Variants in RBM33 observed in about 807,000 individuals in gnomAD.
RBM33 encodes the protein RNA binding motif protein 33.
A neutral mutation model predicts 132.6 loss-of-function variants in RBM33; 28 were observed. The ratio of observed to expected loss-of-function variants is 0.21; its 90% CI spans 0.16 to 0.29. The LOEUF (loss-of-function observed/expected upper bound fraction) is 0.29, where lower values mean the gene tolerates loss of function less well. Ranked by LOEUF, RBM33 falls within the 10% of genes least tolerant of loss-of-function variation. The pLI is 1.00. For synonymous variants in RBM33, 634 were observed against 593.0 expected (o/e 1.07, Z -1.01); for missense variants, 1,291 against 1,518.5 (o/e 0.85, Z 2.49).
chr7:155,658,017 T>C (rs1428369507), intron 1 of RBM33, among the ~76,000 whole-genome samples: 2 of 152,230 alleles, frequency 1.3e-5, no homozygotes, highest in South Asian at 2.1e-4. Flanking sequence ...TATATCCTTA[T>C]TAATCTTTTA....
intron 5 of RBM33, among the ~76,000 whole-genome samples, chr7:155,687,124 C>T (rs1209814280): frequency 2.0e-5 from 3 of 152,228 alleles, no homozygotes; most frequent in African/African-American, 7.2e-5. Context: ...TATTTGTCCA[C>T]ATCCTCTCCA....
intron 3 of RBM33, among the ~76,000 whole-genome samples, chr7:155,673,637 C>T (rs1359726232): frequency 3.0e-5 from 1 of 33,886 alleles, no homozygotes; most frequent in Non-Finnish European, 7.9e-5. Flanking sequence ...CACACATATA[C>T]ATACACACGT....
intron 5 of RBM33, among the ~76,000 whole-genome samples, chr7:155,688,761 A>G (rs1355219992): frequency 6.6e-6 from 1 of 152,132 alleles, no homozygotes; most frequent in Non-Finnish European, 1.5e-5. Flanking sequence ...GGTTCTGTTT[A>G]TATGCTGGAT....
intron 5 of RBM33, among the ~76,000 whole-genome samples, chr7:155,682,750 C>T (rs998892457): frequency 1.3e-5 from 2 of 152,144 alleles, no homozygotes; most frequent in East Asian, 1.9e-4. Flanking sequence ...CACAGCCACA[C>T]GGGAGGTCTC....
In RBM33 at chr7:155,644,702, C is replaced by A. The variant is rs191395944; in HGVS notation, c.-175C>A. 2.8e-3 allele frequency: 1,329 copies of A among 482,020 alleles called. 20 individuals carry two copies. The highest frequency in any genetic ancestry group is 0.024 in the African/African-American group (1,162 of 49,234). The allele number at this position is 482,020 out of a possible 1,614,324, so 29.9% of individuals were successfully genotyped here. A position where few individuals can be genotyped will look rare whatever the true frequency, so the allele number is the denominator to read the frequency against. On this transcript the variant is annotated 5_prime_UTR_variant, in exon 1 of 18. Transcript: ENST00000401878. The stretch of plus-strand genomic sequence containing the variant: ...CCATGTTGCGGTAGTTTGTTGTTTT[C>A]TTCCTGCGGAGGCGAAGGGCCAGCT...
rs565494986 is a variant in RBM33 at position 155,740,164 on chromosome 7, A to C, written c.2049+138A>C. 5 of 1,166,678 alleles carry C rather than the reference A, an allele frequency of 4.3e-6. No individual in the cohort carries two copies. The African/African-American group carries it at 6.3e-5, about 15-fold the overall frequency. 72.3% of individuals were successfully genotyped at this position (1,166,678 alleles called of 1,614,324 possible). On this transcript the variant is annotated intron_variant, in intron 12 of 17. Transcript: ENST00000401878. ...TAAAATGTGTAGTACATAGTTCTGA[A>C]GTGAATCCATGTTTTAAAAAACACT...
At position 155,697,067 on chromosome 7, in the gene RBM33, A is replaced by G. The variant is rs540572486; in HGVS notation, c.568-3706A>G. ...CAAGCAGTGTCTGCCAGTTTTCTTCATTGTAATGTTGCTTTCTCTTTCCTT... is the reference window on the plus strand; with the variant it reads ...CAAGCAGTGTCTGCCAGTTTTCTTCGTTGTAATGTTGCTTTCTCTTTCCTT... On this transcript the variant is annotated intron_variant, in intron 5 of 17. Transcript: ENST00000401878. 7.9e-5 allele frequency among the ~76,000 whole-genome samples: 12 copies of G among 152,258 alleles called. No individual in the cohort carries two copies. The South Asian group carries it at 2.5e-3, about 32-fold the overall frequency.
chr7:155,730,593 G>A (rs1800927919), intron 9 of RBM33, among the ~76,000 whole-genome samples: 1 of 152,234 alleles, frequency 6.6e-6, no homozygotes, highest in African/African-American at 2.4e-5. Context: ...AAGTGGCTGG[G>A]ATGGAGACAG....
intron 16 of RBM33, among the ~76,000 whole-genome samples, chr7:155,767,234 G>A (rs753692577): frequency 1.3e-5 from 2 of 152,232 alleles, no homozygotes; most frequent in Non-Finnish European, 2.9e-5. Flanking sequence ...GGTTTTCCAC[G>A]GAAACTCCTG....
chr7:155,738,578 C>T lies in RBM33; in HGVS notation c.1737+175C>T, dbSNP rs1156828451. Reference sequence around the variant, plus strand: ...AACTTTTTTCAACAATGTTACTTATCTCAATACAAGAAAAAAATGGGAAAA... The same window carrying T: ...AACTTTTTTCAACAATGTTACTTATTTCAATACAAGAAAAAAATGGGAAAA... On this transcript the variant is annotated intron_variant, in intron 11 of 17. Coordinates refer to ENST00000401878, the MANE Select transcript of RBM33 (RefSeq NM_053043.3). 6.2e-6 allele frequency: 4 copies of T among 642,826 alleles called. No individual in the cohort carries two copies. The African/African-American group carries it at 7.4e-5, about 12-fold the overall frequency. 39.8% of individuals were successfully genotyped at this position (642,826 alleles called of 1,614,324 possible). A position where few individuals can be genotyped will look rare whatever the true frequency, so the allele number is the denominator to read the frequency against.
chr7:155,737,226 G>A (rs1801152847), intron 9 of RBM33, among the ~76,000 whole-genome samples: 1 of 150,388 alleles, frequency 6.6e-6, no homozygotes, highest in African/African-American at 2.5e-5. Context: ...TGTGTAGAAA[G>A]CGCTACCATC....
chr7:155,771,936 C>T (rs1015393979), intron 16 of RBM33, among the ~76,000 whole-genome samples: 1 of 152,042 alleles, frequency 6.6e-6, no homozygotes, highest in African/African-American at 2.4e-5. Context: ...GAGACAGGCC[C>T]TCACTTGAGT....
At chr7:155,719,603 A>G (rs1457808660) in intron 9 of RBM33, among the ~76,000 whole-genome samples, 1 of 152,176 alleles carries the variant, frequency 6.6e-6, no homozygotes, top group African/African-American at 2.4e-5. Flanking sequence ...TTTATTGGGT[A>G]TCTATTTGAA....
At chr7:155,664,077 C>A (rs1334890265) in intron 1 of RBM33, among the ~76,000 whole-genome samples, 3 of 152,204 alleles carry the variant, frequency 2.0e-5, no homozygotes, top group Non-Finnish European at 2.9e-5. Context: ...CTGTCCATTT[C>A]AGTAGCTACT....
At chr7:155,740,322 C>T (rs1167642620) in intron 12 of RBM33, among the ~76,000 whole-genome samples, 2 of 152,172 alleles carry the variant, frequency 1.3e-5, no homozygotes, top group African/African-American at 4.8e-5. Context: ...AATTAATAGA[C>T]ACGTAACTTT....
rs1802720973 is a variant in RBM33, at chr7:155,779,067, T to C, written c.*4026T>C. 6.6e-6 allele frequency: 1 copy of C among 152,268 alleles called. No homozygotes were observed. Among genetic ancestry groups the C allele is most frequent in the African/African-American group, 2.4e-5 (1 of 41,406 alleles). The allele number at this position is 152,268 out of a possible 1,614,324, so 9.4% of individuals were successfully genotyped here. On this transcript the variant is annotated 3_prime_UTR_variant, in exon 18 of 18. Coordinates refer to ENST00000401878, the MANE Select transcript of RBM33 (RefSeq NM_053043.3). ...GTGGGTGACTTCAGGCTTCCCGCTT[T>C]CGTGGTGCTCTTCCTGGGATTCGTT...
chr7:155,736,337 T>C (rs1238963817), intron 9 of RBM33, among the ~76,000 whole-genome samples: 5 of 152,236 alleles, frequency 3.3e-5, no homozygotes, highest in Non-Finnish European at 5.9e-5. Context: ...TTGTGAAATA[T>C]TGACTCAGTT....
intron 8 of RBM33, among the ~76,000 whole-genome samples, chr7:155,716,626 T>A (rs2116987240): frequency 6.6e-6 from 1 of 152,340 alleles, no homozygotes; most frequent in East Asian, 1.9e-4. Flanking sequence ...TTACATTTAA[T>A]ATGTAGTGTT....
In RBM33 at chr7:155,686,100, T is replaced by G. The variant is rs547048032; in HGVS notation, c.567+5192T>G. Among the ~76,000 whole-genome samples, 19 of 152,330 alleles carry G rather than the reference T, an allele frequency of 1.2e-4. No individual in the cohort carries two copies. In the East Asian group the frequency reaches 3.7e-3, roughly 29 times the overall value. ...TTTCTTTCTCGCTCGCTATTTGAAA[T>G]AATTTGAAACTTAGAGAAAGGACAG... On this transcript the variant is annotated intron_variant, in intron 5 of 17. Coordinates refer to ENST00000401878, the MANE Select transcript of RBM33 (RefSeq NM_053043.3).
Sources: allele counts gnomAD v4.1 joint callset (sites outside exome capture counted in the v4.1 genomes callset), GRCh38; gene constraint gnomAD v4.1.1; transcripts MANE v1.5; gene names NCBI Gene and HGNC (gene_info 2026-07-23, HGNC 2026-07-21).